PDE4DIP: variants seen among roughly 807,000 people sequenced by gnomAD.
PDE4DIP encodes the protein phosphodiesterase 4D interacting protein, also known as myomegalin.
In PDE4DIP, 59 loss-of-function variants were observed where a neutral mutation model predicts 221.4. That is an observed-to-expected ratio of 0.27 (90% CI 0.22 to 0.33). PDE4DIP has a LOEUF of 0.33. PDE4DIP is among the 10% of genes least tolerant of loss of function. PDE4DIP has a pLI of 1.00. For synonymous variants in PDE4DIP, 404 were observed against 815.9 expected, an observed-to-expected ratio of 0.50 and a Z score of 8.60; for missense variants, 1,036 against 2,154.2, an observed-to-expected ratio of 0.48 and a Z score of 10.28.
At chr1:148,969,751 A>G (rs1359632595) in intron 14 of PDE4DIP, among the ~76,000 whole-genome samples, 1 of 143,610 alleles carries the variant, frequency 7.0e-6, no homozygotes, top group Non-Finnish European at 1.5e-5. Context: ...TCTGTCACCC[A>G]GCTGGAGTGC....
rs1308999851 is a variant in PDE4DIP at position 148,923,330 on chromosome 1, G to GT, written c.142-5866dup. Among the ~76,000 whole-genome samples the GT allele has an allele frequency of 3.4e-4, 51 of 148,816 alleles. 2 individuals carry two copies. The highest frequency in any genetic ancestry group is 9.8e-4 in the African/African-American group (40 of 40,846). On this transcript the variant is annotated intron_variant, in intron 1 of 43. Transcript: ENST00000369354. ...TTACCTTCTCACTCATTCAACAAACGTATCATTGTTAGTCCACTTCCGCCT... is the reference window on the plus strand; with the variant it reads ...TTACCTTCTCACTCATTCAACAAACGTTATCATTGTTAGTCCACTTCCGCCT...
chr1:148,861,593 G>A (rs1265744907), intron 1 of PDE4DIP, among the ~76,000 whole-genome samples: 4 of 75,810 alleles, frequency 5.3e-5, no homozygotes, highest in South Asian at 4.7e-4. Flanking sequence ...AGCCGAGATC[G>A]TGCCATGCAC....
intron 1 of PDE4DIP, among the ~76,000 whole-genome samples, chr1:148,895,870 G>C (rs112474010): frequency 5.6e-5 from 8 of 142,828 alleles, no homozygotes; most frequent in African/African-American, 1.0e-4. Context: ...AATAAGAAAG[G>C]CTGGGTTGAT....
chr1:148,960,057 T>G (rs1189244338), intron 5 of PDE4DIP, among the ~76,000 whole-genome samples: 1 of 152,268 alleles, frequency 6.6e-6, no homozygotes, highest in African/African-American at 2.4e-5. Flanking sequence ...GATAGTATAC[T>G]CCTTTACCCT....
At chr1:148,990,492 G>C (rs1294203840) in intron 21 of PDE4DIP, 4 of 264,382 alleles carry the variant, frequency 1.5e-5, no homozygotes, top group African/African-American at 2.3e-5. Flanking sequence ...TGGTCTTGGA[G>C]GAAGAAGCAA....
chr1:148,883,529 TGG>T (rs1389907741), intron 3 of PDE4DIP, among the ~76,000 whole-genome samples: 1 of 60,486 alleles, frequency 1.7e-5, no homozygotes, highest in African/African-American at 6.9e-5. Context: ...ATGAGCTAGC[TGG>T]GGGGTCTGAA....
At chr1:148,962,544 G>A (rs781922907) in exon 9 of PDE4DIP, 1 of 645,614 alleles carries the variant, frequency 1.5e-6, no homozygotes, top group Admixed American at 2.6e-5. Flanking sequence ...GACAGAAAGA[G>A]CGCCAACTGG....
intron 1 of PDE4DIP, among the ~76,000 whole-genome samples, chr1:148,909,958 TA>T (rs2042486488): frequency 2.0e-5 from 2 of 100,186 alleles, no homozygotes; most frequent in South Asian, 8.4e-4. Flanking sequence ...TAGTTTAAAC[TA>T]AACATTAGTC....
chr1:148,954,188 C>T (rs1458606321), intron 5 of PDE4DIP, among the ~76,000 whole-genome samples: 1 of 151,706 alleles, frequency 6.6e-6, no homozygotes, highest in Non-Finnish European at 1.5e-5. Flanking sequence ...CACTTTTTTC[C>T]TATAAAAAGA....
At chr1:148,859,809 T>G (rs1440248120) in intron 1 of PDE4DIP, among the ~76,000 whole-genome samples, 2 of 130,340 alleles carry the variant, frequency 1.5e-5, no homozygotes, top group Non-Finnish European at 3.3e-5. Context: ...TGTGTGTGTG[T>G]GTGTGTGTGT....
chr1:148,977,831 TTC>T lies in PDE4DIP; in HGVS notation c.2320-103_2320-102del. 5 of 1,509,818 alleles carry T rather than the reference TTC, an allele frequency of 3.3e-6. No individual in the cohort carries two copies. In the South Asian group the frequency reaches 6.5e-5, roughly 20 times the overall value. The allele number at this position is 1,509,818 out of a possible 1,614,324, so 93.5% of individuals were successfully genotyped here. A position where few individuals can be genotyped will look rare whatever the true frequency, so the allele number is the denominator to read the frequency against. ...TTGATGCTGTAGAGCCCTATTCATG[TTC>T]TCATTTTCTTTTCCATTACTGGCTG... On this transcript the variant is annotated intron_variant, in intron 17 of 43. Coordinates refer to ENST00000369354, the Ensembl canonical transcript of PDE4DIP.
chr1:148,994,665 T>C (rs1444771264), intron 22 of PDE4DIP, among the ~76,000 whole-genome samples: 4 of 152,158 alleles, frequency 2.6e-5, no homozygotes, highest in African/African-American at 9.7e-5. Context: ...CCTACCATTT[T>C]TGATGGTGAA....
In PDE4DIP at chr1:148,968,628, G is replaced by A. The variant is rs587725386; in HGVS notation, c.1786-208G>A. On this transcript the variant is annotated intron_variant, in intron 13 of 43. Transcript: ENST00000369354. ...GGCCACCAGAGATAGTTTTCTGTAT[G>A]GTTTGTATTCATTCCTGGGACATGT... Among the ~76,000 whole-genome samples, 3 of 152,020 alleles carry A rather than the reference G, an allele frequency of 2.0e-5. No individual in the cohort carries two copies. The East Asian group carries it at 5.8e-4, about 29-fold the overall frequency.
At chr1:148,992,945 A>G in intron 22 of PDE4DIP, 1 of 1,014,342 alleles carries the variant, frequency 9.9e-7, no homozygotes, top group Non-Finnish European at 1.2e-6. Context: ...AGCATCCTCA[A>G]ATCTTTTGGG....
intron 1 of PDE4DIP, among the ~76,000 whole-genome samples, chr1:148,898,749 C>G (rs1452007822): frequency 1.1e-5 from 1 of 91,714 alleles, no homozygotes; most frequent in Non-Finnish European, 2.0e-5. Context: ...GTCTCAATCT[C>G]CTGACCTCGT....
At chr1:149,032,064 C>G (rs113954821) in exon 44 of PDE4DIP, 11 of 1,609,780 alleles carry the variant, frequency 6.8e-6, no homozygotes, top group African/African-American at 2.7e-5. Context: ...GCCTGTCCCC[C>G]TTTTGTGCAG....
intron 21 of PDE4DIP, chr1:148,990,332 G>A: frequency 1.0e-6 from 1 of 985,328 alleles, no homozygotes. Flanking sequence ...ACCCCTGTGT[G>A]GCAGTGTCGA....
At chr1:148,915,053 T>G (rs1481200514) in intron 1 of PDE4DIP, among the ~76,000 whole-genome samples, 4 of 150,300 alleles carry the variant, frequency 2.7e-5, no homozygotes, top group African/African-American at 9.9e-5. Context: ...TGGTTATAAG[T>G]GGAAAGACAG....
At chr1:149,015,410 G>T (rs587628751) in intron 32 of PDE4DIP, among the ~76,000 whole-genome samples, 23 of 152,142 alleles carry the variant, frequency 1.5e-4, no homozygotes, top group Non-Finnish European at 2.6e-4. Context: ...TGTTGCTTAG[G>T]AGGAGCTACC....
Sources: gnomAD v4.1 joint callset for allele counts (sites outside exome capture counted in the v4.1 genomes callset) on GRCh38, gnomAD v4.1.1 for gene constraint, MANE v1.5 for transcripts, NCBI Gene and HGNC (gene_info 2026-07-23, HGNC 2026-07-21) for gene names.